KCNIP1: variants seen among roughly 807,000 people sequenced by gnomAD.
The protein encoded by KCNIP1 is potassium voltage-gated channel interacting protein 1.
KCNIP1 carries 18 observed loss-of-function variants against 33.0 expected under a neutral mutation model. The observed-to-expected ratio is 0.55, with a 90% CI of 0.38 to 0.81. The LOEUF is 0.81. Among genes scored for constraint, KCNIP1 ranks in the 30% least tolerant of loss-of-function variants. The pLI is 0.00. For missense variants in KCNIP1, 238 were observed against 271.6 expected (o/e 0.88, Z 0.87); for synonymous variants, 93 against 98.3 (o/e 0.95, Z 0.32).
rs897765160 is a variant in KCNIP1, at chr5:170,504,097, C to A, written c.-476C>A. 8 of 986,394 alleles carry A rather than the reference C, an allele frequency of 8.1e-6. No homozygotes were observed. Among genetic ancestry groups the A allele is most frequent in the Non-Finnish European group, 9.6e-6 (8 of 830,844 alleles). 61.1% of individuals were successfully genotyped at this position (986,394 alleles called of 1,614,324 possible). ...GTGGCTCCGCGCCGCGCGGTCCGGG[C>A]TCTGTTCATTCATGATTGGTACTCG... is the stretch of plus-strand genomic sequence containing the variant. On this transcript the variant is annotated 5_prime_UTR_variant, in exon 1 of 8. Transcript: ENST00000328939. This position sits in a 1 kb window ranked among gnomAD's most constrained non-coding sequence, Gnocchi z 6.0.
chr5:170,578,935 A>G (rs545291588), intron 1 of KCNIP1, among the ~76,000 whole-genome samples: 103 of 152,322 alleles, frequency 6.8e-4, no homozygotes, highest in Non-Finnish European at 1.2e-3. Flanking sequence ...AGGTGGGAAC[A>G]ATCTTGATAT....
intron 1 of KCNIP1, among the ~76,000 whole-genome samples, chr5:170,471,557 G>C (rs2113135839): frequency 6.6e-6 from 1 of 152,310 alleles, no homozygotes; most frequent in Non-Finnish European, 1.5e-5. Flanking sequence ...TAGTGGCCCA[G>C]CTGGGATTTA....
intron 1 of KCNIP1, among the ~76,000 whole-genome samples, chr5:170,558,291 T>A (rs191025091): frequency 3.9e-4 from 59 of 152,340 alleles, no homozygotes; most frequent in African/African-American, 1.3e-3. Context: ...TAATCCTAGC[T>A]ACATAGAAGG....
intron 1 of KCNIP1, among the ~76,000 whole-genome samples, chr5:170,477,899 A>T (rs1053281721): frequency 6.6e-6 from 1 of 152,234 alleles, no homozygotes; most frequent in African/African-American, 2.4e-5. Context: ...CCACATCTTC[A>T]TAGATCTATA....
intron 1 of KCNIP1, among the ~76,000 whole-genome samples, chr5:170,572,485 C>T (rs1757454158): frequency 6.6e-6 from 1 of 152,124 alleles, no homozygotes; most frequent in Non-Finnish European, 1.5e-5. Flanking sequence ...ACCCCAGCGC[C>T]AAAGGAAAAA....
rs17673002 is a variant in KCNIP1 at position 170,594,112 on chromosome 5, T to C, written c.61+89479T>C. Reference sequence around the variant, plus strand: ...AAGTCTTCCAAAGGATGACTTTCCCTAGGAGACACAGCTAGAGATTGGCAA... The same window carrying C: ...AAGTCTTCCAAAGGATGACTTTCCCCAGGAGACACAGCTAGAGATTGGCAA... On this transcript the variant is annotated intron_variant, in intron 1 of 7. Coordinates refer to ENST00000328939, the MANE Select transcript of KCNIP1 (RefSeq NM_014592.4). Among the ~76,000 whole-genome samples, 12 of 152,348 alleles carry C rather than the reference T, an allele frequency of 7.9e-5. No homozygotes were observed. In the South Asian group the frequency reaches 1.2e-3, roughly 16 times the overall value.
chr5:170,398,972 A>T (rs1754828931), intron 1 of KCNIP1, among the ~76,000 whole-genome samples: 1 of 152,188 alleles, frequency 6.6e-6, no homozygotes, highest in African/African-American at 2.4e-5. Flanking sequence ...GTCACAGAGG[A>T]CAGCGAAAGA....
At chr5:170,456,519 C>G (rs1164452398) in intron 1 of KCNIP1, among the ~76,000 whole-genome samples, 1 of 151,886 alleles carries the variant, frequency 6.6e-6, no homozygotes, top group Non-Finnish European at 1.5e-5. Context: ...ATAAGCTAGA[C>G]TTCTATCTTA....
At chr5:170,678,828 G>A (rs1762232944) in intron 1 of KCNIP1, 1 of 152,406 alleles carries the variant, frequency 6.6e-6, no homozygotes. Context: ...ATAAGGCAGA[G>A]AGTTGTTGGG....
chr5:170,652,498 A>AGT (rs59160659), intron 1 of KCNIP1, among the ~76,000 whole-genome samples: 4 of 103,046 alleles, frequency 3.9e-5, no homozygotes, highest in African/African-American at 4.3e-5. Context: ...AAAAAAAAAA[A>AGT]AAGGAAGGAA....
intron 1 of KCNIP1, chr5:170,669,782 A>G (rs999897778): frequency 1.8e-5 from 7 of 399,644 alleles, no homozygotes; most frequent in African/African-American, 1.5e-4. Context: ...AGAAAGTGAA[A>G]AACAACATCT....
At chr5:170,555,395 T>G (rs147018449) in intron 1 of KCNIP1, among the ~76,000 whole-genome samples, 1 of 152,312 alleles carries the variant, frequency 6.6e-6, no homozygotes, top group African/African-American at 2.4e-5. Flanking sequence ...CATGTGCCCA[T>G]TTGGTATTGA....
chr5:170,684,376 A>G (rs1762469394), intron 1 of KCNIP1, among the ~76,000 whole-genome samples: 1 of 152,212 alleles, frequency 6.6e-6, no homozygotes, highest in Non-Finnish European at 1.5e-5. Context: ...TCTCTAGAGA[A>G]GGATTCCTCC....
intron 5 of KCNIP1, among the ~76,000 whole-genome samples, chr5:170,728,155 A>T (rs1764071234): frequency 6.6e-6 from 1 of 152,248 alleles, no homozygotes; most frequent in African/African-American, 2.4e-5. Flanking sequence ...GGAATAAAAT[A>T]CTTCTTCAGC....
In KCNIP1 at chr5:170,681,308, A is replaced by G. The variant is rs147749547; in HGVS notation, c.62-37450A>G. 1,238 of 391,834 alleles carry G rather than the reference A, an allele frequency of 3.2e-3. 14 individuals carry two copies. Among genetic ancestry groups the G allele is most frequent in the African/African-American group, 0.024 (1,142 of 48,548 alleles). The allele number at this position is 391,834 out of a possible 1,614,324, so 24.3% of individuals were successfully genotyped here. On this transcript the variant is annotated intron_variant, in intron 1 of 7. Coordinates refer to ENST00000328939, the MANE Select transcript of KCNIP1 (RefSeq NM_014592.4). The stretch of plus-strand genomic sequence containing the variant: ...AGAGATTTGAAAAAGCCGGGCTGAA[A>G]CAGCGTGGTATTGGTCCCCGCCTCC...
At chr5:170,485,244 C>A (rs1032714438) in intron 1 of KCNIP1, among the ~76,000 whole-genome samples, 22 of 152,216 alleles carry the variant, frequency 1.4e-4, no homozygotes, top group Non-Finnish European at 5.9e-5. Flanking sequence ...CCAGCCAGAT[C>A]TAGGTCTTTC....
intron 1 of KCNIP1, among the ~76,000 whole-genome samples, chr5:170,560,205 C>T (rs551906800): frequency 6.6e-6 from 1 of 152,270 alleles, no homozygotes; most frequent in Non-Finnish European, 1.5e-5. Context: ...AGCTCCTCCT[C>T]TCAGCCTCTG....
In KCNIP1 at chr5:170,676,994, C is replaced by A. The variant is rs368698540; in HGVS notation, c.62-41764C>A. Among the ~76,000 whole-genome samples the A allele has an allele frequency of 4.9e-4, 75 of 152,306 alleles. 1 individual carries two copies. The East Asian group carries it at 0.012, about 24-fold the overall frequency. ...AATTTCCAGAGGAAGTCTGATTCCC[C>A]TACCTGAAGTAACACTCCTTCCTCT... is the stretch of plus-strand genomic sequence containing the variant. On this transcript the variant is annotated intron_variant, in intron 1 of 7. Transcript: ENST00000328939.
intron 1 of KCNIP1, among the ~76,000 whole-genome samples, chr5:170,563,049 C>T (rs890660117): frequency 2.4e-4 from 36 of 152,214 alleles, no homozygotes; most frequent in African/African-American, 7.2e-4. Flanking sequence ...TAGTTCCCCT[C>T]GTACGCTGCC....
Sources: allele counts gnomAD v4.1 joint callset (sites outside exome capture counted in the v4.1 genomes callset), GRCh38; gene constraint gnomAD v4.1.1; non-coding constraint Gnocchi (gnomAD v3.1); transcripts MANE v1.5; gene names NCBI Gene and HGNC (gene_info 2026-07-23, HGNC 2026-07-21).